The following THEMIS variants were observed in gnomAD, a reference collection of about 807,000 sequenced individuals.
THEMIS encodes thymocyte selection associated.
In THEMIS, 37 loss-of-function variants were observed where a neutral mutation model predicts 52.6. The observed-to-expected ratio is 0.70, with a 90% confidence interval of 0.54 to 0.93. THEMIS has a LOEUF of 0.93. THEMIS is among the 40% of genes least tolerant of loss of function. The pLI, the probability that THEMIS is intolerant of heterozygous loss-of-function variation, is 0.00. For missense variants in THEMIS, 808 were observed against 763.1 expected (o/e 1.06, Z -0.69); for synonymous variants, 292 against 272.7 (o/e 1.07, Z -0.70).
intron 4 of THEMIS, among the ~76,000 whole-genome samples, chr6:127,734,929 G>A (rs1357127355): frequency 7.2e-6 from 1 of 138,360 alleles, no homozygotes; most frequent in Non-Finnish European, 1.5e-5. Context: ...GTGTGTGTGT[G>A]TGTGTGTGTA....
chr6:127,827,897 G>C lies in THEMIS; in HGVS notation c.709+1579C>G, dbSNP rs765953685. 7.3e-4 allele frequency among the ~76,000 whole-genome samples: 111 copies of C among 151,978 alleles called. 2 individuals carry two copies. The highest frequency in any genetic ancestry group is 5.6e-3 in the Admixed American group (86 of 15,256). On this transcript the variant is annotated intron_variant, in intron 3 of 5. Coordinates refer to ENST00000368248, the MANE Select transcript of THEMIS (RefSeq NM_001010923.3). Reference sequence around the variant, plus strand: ...TTTAGCCTCTTAGTATATACTTCAAGACCCTCCATGATTGATTCCACTCCC... The same window carrying C: ...TTTAGCCTCTTAGTATATACTTCAACACCCTCCATGATTGATTCCACTCCC...
At chr6:127,821,197 A>G (rs1211790992) in intron 3 of THEMIS, among the ~76,000 whole-genome samples, 1 of 151,754 alleles carries the variant, frequency 6.6e-6, no homozygotes, top group Non-Finnish European at 1.5e-5. Context: ...AGAGAGAGAT[A>G]AATTTTTTAA....
chr6:127,842,828 C>G (rs188000114), intron 2 of THEMIS, among the ~76,000 whole-genome samples: 1 of 151,992 alleles, frequency 6.6e-6, no homozygotes, highest in Non-Finnish European at 1.5e-5. Context: ...ATGTGTTCAG[C>G]AACCCCCTGT....
At position 127,722,537 on chromosome 6, in the gene THEMIS, C is replaced by G. The variant is rs149653509; in HGVS notation, c.1759-2714G>C. On this transcript the variant is annotated intron_variant, in intron 4 of 5. Transcript: ENST00000368248. The stretch of plus-strand genomic sequence containing the variant: ...CTTTATGGTTTGCAAACTTCACTAC[C>G]TGTTCAACTTCTTTTCTGAATATTG... Among the ~76,000 whole-genome samples the G allele has an allele frequency of 1.1e-4, 17 of 151,978 alleles. No individual in the cohort carries two copies. The East Asian group carries it at 3.3e-3, about 30-fold the overall frequency.
intron 1 of THEMIS, among the ~76,000 whole-genome samples, chr6:127,864,186 A>G (rs1779899525): frequency 6.6e-6 from 1 of 152,100 alleles, no homozygotes; most frequent in African/African-American, 2.4e-5. Flanking sequence ...GATCTATAGT[A>G]GATTATAGAC....
At chr6:127,783,364 G>A (rs1351340143) in intron 4 of THEMIS, among the ~76,000 whole-genome samples, 3 of 152,090 alleles carry the variant, frequency 2.0e-5, no homozygotes, top group East Asian at 3.8e-4. Flanking sequence ...AAAACCAATG[G>A]CAACAAAAGC....
chr6:127,772,516 T>G (rs919769135), intron 4 of THEMIS, among the ~76,000 whole-genome samples: 2 of 152,124 alleles, frequency 1.3e-5, no homozygotes, highest in Non-Finnish European at 2.9e-5. Context: ...AGTTCTAGCA[T>G]CTGAGCTAAA....
intron 4 of THEMIS, 127 bp downstream of exon 4, chr6:127,812,756 C>T (rs1159109636): frequency 2.1e-6 from 2 of 933,222 alleles, no homozygotes; most frequent in African/African-American, 1.7e-5. Flanking sequence ...TACTGCACAT[C>T]AGAAAAGCTC....
At position 127,778,719 on chromosome 6, in the gene THEMIS, T is replaced by C. The variant is rs1044782995; in HGVS notation, c.1758+34164A>G. ...AGGGCATAATGTTTCATTTTCCTTA[T>C]GTGTGCAGTTTTGTATTTTATTTTT... On this transcript the variant is annotated intron_variant, in intron 4 of 5. Coordinates refer to ENST00000368248, the MANE Select transcript of THEMIS (RefSeq NM_001010923.3). Among the ~76,000 whole-genome samples the C allele has an allele frequency of 2.6e-5, 4 of 152,266 alleles. No homozygotes were observed. In the South Asian group the frequency reaches 6.2e-4, roughly 24 times the overall value.
At chr6:127,781,550 T>C (rs1376022837) in intron 4 of THEMIS, among the ~76,000 whole-genome samples, 1 of 152,182 alleles carries the variant, frequency 6.6e-6, no homozygotes, top group South Asian at 2.1e-4. Flanking sequence ...GTCTTTGATG[T>C]TGGTGACCTT....
At chr6:127,891,614 C>T (rs912047081) in intron 1 of THEMIS, among the ~76,000 whole-genome samples, 1 of 151,590 alleles carries the variant, frequency 6.6e-6, no homozygotes. Context: ...ATCTCTTGAA[C>T]TGTTCCTTTC....
chr6:127,741,260 T>A (rs1357737211), intron 4 of THEMIS, among the ~76,000 whole-genome samples: 1 of 152,202 alleles, frequency 6.6e-6, no homozygotes, highest in Non-Finnish European at 1.5e-5. Context: ...TTTCAATAAC[T>A]TTTAAGGGTC....
At position 127,813,150 on chromosome 6, in the gene THEMIS, G is replaced by T; in HGVS notation, c.1491C>A (p.Asn497Lys). The T allele has an allele frequency of 6.2e-7, 1 of 1,614,094 alleles. No homozygotes were observed. Among genetic ancestry groups the T allele is most frequent in the Non-Finnish European group, 8.5e-7 (1 of 1,180,012 alleles). The change falls in exon 4 of 6, where the codon AAC becomes AAA. Residue 497 changes from asparagine (N) to lysine (K), a missense_variant. Coordinates refer to ENST00000368248, the MANE Select transcript of THEMIS (RefSeq NM_001010923.3). ...DSYLLISDFANPTECWEIPVG... is the reference protein window; with the variant it reads ...DSYLLISDFAKPTECWEIPVG... ...CAGGAATTTCCCAGCACTCCGTGGG[G>T]TTGGCAAAGTCACTTATGAGTAGGT...
Position 127,908,771 on chromosome 6 carries a change from A to C in THEMIS, c.-149-7690T>G, listed in dbSNP as rs535082742. Among the ~76,000 whole-genome samples the C allele has an allele frequency of 2.0e-5, 3 of 152,206 alleles. No homozygotes were observed. The East Asian group carries it at 5.8e-4, about 29-fold the overall frequency. On this transcript the variant is annotated intron_variant, in intron 1 of 6. Coordinates refer to the THEMIS transcript ENST00000368250. ...GCTTAACTGCAATATGTCTGTAGAA[A>C]GGGTATGCCCACTTTAACAGCTCTT...
At chr6:127,867,680 A>G (rs1196516750) in intron 1 of THEMIS, among the ~76,000 whole-genome samples, 1 of 152,158 alleles carries the variant, frequency 6.6e-6, no homozygotes, top group Non-Finnish European at 1.5e-5. Context: ...CTACAGAAGA[A>G]ACGGAGAACA....
At chr6:127,771,887 T>G (rs1776397622) in intron 4 of THEMIS, among the ~76,000 whole-genome samples, 1 of 152,144 alleles carries the variant, frequency 6.6e-6, no homozygotes, top group Non-Finnish European at 1.5e-5. Context: ...ATGGCACATG[T>G]GCATCACACC....
chr6:127,881,948 G>A (rs1182254218), intron 1 of THEMIS, among the ~76,000 whole-genome samples: 5 of 148,828 alleles, frequency 3.4e-5, no homozygotes, highest in African/African-American at 1.2e-4. Context: ...TTCCTTGAAG[G>A]CATTCCAGTA....
At chr6:127,744,418 G>A (rs1043490670) in intron 4 of THEMIS, among the ~76,000 whole-genome samples, 18 of 151,806 alleles carry the variant, frequency 1.2e-4, no homozygotes, top group African/African-American at 4.4e-4. Flanking sequence ...TCAGATTGGG[G>A]GACAATCCAT....
chr6:127,706,032 G>T (rs920043295), downstream of THEMIS, among the ~76,000 whole-genome samples: 7 of 152,026 alleles, frequency 4.6e-5, no homozygotes, highest in South Asian at 1.0e-3. Flanking sequence ...CACTGAACGA[G>T]TATCTTCCCC....
Sources: gnomAD v4.1 joint callset for allele counts (sites outside exome capture counted in the v4.1 genomes callset) on GRCh38, gnomAD v4.1.1 for gene constraint, MANE v1.5 for transcripts, NCBI Gene and HGNC (gene_info 2026-07-23, HGNC 2026-07-21) for gene names.